The following BRWD1 variants were observed in gnomAD, a reference collection of about 807,000 sequenced individuals.
The protein encoded by BRWD1 is bromodomain and WD repeat-containing protein 1.
BRWD1 carries 82 observed loss-of-function variants against 251.2 expected under a neutral mutation model. The ratio of observed to expected loss-of-function variants is 0.33; its 90% CI spans 0.27 to 0.39. The LOEUF (loss-of-function observed/expected upper bound fraction) is 0.39, where lower values mean the gene tolerates loss of function less well. Among genes scored for constraint, BRWD1 ranks in the 10% least tolerant of loss-of-function variants. The pLI is 1.00. For missense variants in BRWD1, 2,233 were observed against 2,711.6 expected (o/e 0.82, Z 3.92); for synonymous variants, 918 against 902.8 (o/e 1.02, Z -0.30).
chr21:39,308,575 T>A (rs768265076), intron 4 of BRWD1, among the ~76,000 whole-genome samples: 2 of 151,748 alleles, frequency 1.3e-5, no homozygotes, highest in Non-Finnish European at 2.9e-5. Flanking sequence ...TTAAGATAAA[T>A]TGTGGCTTTA....
intron 21 of BRWD1, among the ~76,000 whole-genome samples, chr21:39,244,333 G>A (rs1239744568): frequency 2.0e-5 from 3 of 152,034 alleles, no homozygotes; most frequent in Non-Finnish European, 2.9e-5. Context: ...CAGAGTGCTG[G>A]GATTACAGGC....
At chr21:39,277,580 T>C (rs1405350424) in intron 10 of BRWD1, among the ~76,000 whole-genome samples, 2 of 152,204 alleles carry the variant, frequency 1.3e-5, no homozygotes, top group African/African-American at 2.4e-5. Flanking sequence ...CCTGTTTTTT[T>C]TGAGACAGAA....
In BRWD1 at chr21:39,196,947, G is replaced by A; in HGVS notation, c.6122C>T (p.Pro2041Leu). ...RHTNIHKIDA[P>L]SKRKSSSVTS... ...AACAGAGGAACTTTTTCTTTTAGAA[G>A]GTGCATCTATTTTGTGAATATTGGT... Residue 2041 changes from proline to leucine, a missense_variant, in exon 41 of 41, where the codon CCT (proline) becomes CTT (leucine). Coordinates refer to ENST00000342449, the MANE Select transcript of BRWD1 (RefSeq NM_033656.4). 1.9e-6 allele frequency: 3 copies of A among 1,613,848 alleles called. No homozygotes were observed. Among genetic ancestry groups the A allele is most frequent in the Non-Finnish European group, 2.5e-6 (3 of 1,179,912 alleles).
upstream of BRWD1, among the ~76,000 whole-genome samples, chr21:39,316,528 G>A (rs2036700227): frequency 6.6e-6 from 1 of 152,146 alleles, no homozygotes. Flanking sequence ...TGTAACAAGG[G>A]CGTAAGATTA....
At chr21:39,249,918 GTGTGTGTGTGT>G (rs2034336930) in intron 20 of BRWD1, among the ~76,000 whole-genome samples, 4 of 7,752 alleles carry the variant, frequency 5.2e-4, no homozygotes, top group Non-Finnish European at 1.2e-3. Context: ...GAAGGGGGGT[GTGTGTGTGTGT>G]GTGTGTGTGT....
chr21:39,207,483 C>CACAA (rs1439646306), intron 36 of BRWD1, among the ~76,000 whole-genome samples: 1 of 148,300 alleles, frequency 6.7e-6, no homozygotes, highest in Non-Finnish European at 1.5e-5. Context: ...CACACACACA[C>CACAA]AAACAAAACT....
chr21:39,216,659 G>C, intron 31 of BRWD1: 1 of 386,408 alleles, frequency 2.6e-6, no homozygotes, highest in South Asian at 2.3e-5. Flanking sequence ...ACTCAGAACA[G>C]TTTAAGGAAT....
intron 9 of BRWD1, 85 bp from the exon 10 acceptor site, chr21:39,278,898 T>C: frequency 9.5e-7 from 1 of 1,053,474 alleles, no homozygotes; most frequent in Non-Finnish European, 1.3e-6. Flanking sequence ...TCTAGCATAT[T>C]TAAATATTAT....
rs2031650864 is a variant in BRWD1, at chr21:39,193,341, A to T, written c.*2918T>A. 1 of 984,976 alleles carries T rather than the reference A, an allele frequency of 1.0e-6. No individual in the cohort carries two copies. The highest frequency in any genetic ancestry group is 1.2e-6 in the Non-Finnish European group (1 of 829,554). 61.0% of individuals were successfully genotyped at this position (984,976 alleles called of 1,614,324 possible). ...TACAAAAAGGGAGGCTGACCTTAGG[A>T]ATTATTTGAATATGGGATAAACTTT... On this transcript the variant is annotated 3_prime_UTR_variant, in exon 41 of 41. Transcript: ENST00000342449.
chr21:39,232,918 C>T (rs1019539693), intron 23 of BRWD1, among the ~76,000 whole-genome samples: 4 of 152,224 alleles, frequency 2.6e-5, no homozygotes, highest in Non-Finnish European at 5.9e-5. Flanking sequence ...ACAAATTCCC[C>T]AATAGTTCTC....
At position 39,305,731 on chromosome 21, in the gene BRWD1, C is replaced by T. The variant is rs181638968; in HGVS notation, c.198+7110G>A. Among the ~76,000 whole-genome samples the T allele has an allele frequency of 2.0e-5, 3 of 152,188 alleles. No homozygotes were observed. The East Asian group carries it at 5.8e-4, about 30-fold the overall frequency. On this transcript the variant is annotated intron_variant, in intron 4 of 40. Coordinates refer to ENST00000342449, the MANE Select transcript of BRWD1 (RefSeq NM_033656.4). ...TTCAAGAATTAGCTGGGCATGGTGG[C>T]ATGTGCCTGTAGTCCCAGCTACTCA...
chr21:39,281,943 T>C (rs539446404), intron 8 of BRWD1, among the ~76,000 whole-genome samples: 168 of 151,534 alleles, frequency 1.1e-3, no homozygotes, highest in Non-Finnish European at 1.8e-3. Context: ...TATACATGTG[T>C]ATATATGTAG....
intron 19 of BRWD1, among the ~76,000 whole-genome samples, chr21:39,253,839 T>A (rs1347292803): frequency 6.6e-6 from 1 of 152,222 alleles, no homozygotes; most frequent in Non-Finnish European, 1.5e-5. Context: ...CTAAAAAGTA[T>A]TTCCTGTTTC....
At chr21:39,222,910 A>G (rs935184520) in intron 29 of BRWD1, among the ~76,000 whole-genome samples, 8 of 151,696 alleles carry the variant, frequency 5.3e-5, no homozygotes, top group African/African-American at 1.9e-4. Flanking sequence ...AAATAATTGC[A>G]CTGAGAAAGA....
chr21:39,278,051 G>A (rs1438875902), intron 10 of BRWD1, among the ~76,000 whole-genome samples: 1 of 151,986 alleles, frequency 6.6e-6, no homozygotes, highest in African/African-American at 2.4e-5. Context: ...TTCTCCCTAT[G>A]TTGCCAGGGC....
At position 39,210,085 on chromosome 21, in the gene BRWD1, C is replaced by G. The variant is rs182568595; in HGVS notation, c.4107G>C (p.Ala1369=). Residue 1369 remains alanine (A), a synonymous_variant, in exon 36 of 41, where the codon GCG becomes GCC. Transcript: ENST00000342449. ...DFGTVRETLD[A]GNYDSPLEFC... Reference sequence around the variant, plus strand: ...ACTCCAAAGGGCTGTCATAATTTCCCGCATCTAGAGTTTCCCTTACTGTTC... The same window carrying G: ...ACTCCAAAGGGCTGTCATAATTTCCGGCATCTAGAGTTTCCCTTACTGTTC... The G allele has an allele frequency of 6.2e-7, 1 of 1,613,180 alleles. No homozygotes were observed. Among genetic ancestry groups the G allele is most frequent in the African/African-American group, 1.3e-5 (1 of 74,858 alleles).
intron 36 of BRWD1, 53 bp from the exon 37 acceptor site, chr21:39,206,327 A>G: frequency 7.7e-7 from 1 of 1,303,830 alleles, no homozygotes; most frequent in Non-Finnish European, 1.1e-6. Context: ...AAAAGTACTT[A>G]AGAAATAATT....
chr21:39,291,329 T>C (rs78175438), intron 8 of BRWD1, among the ~76,000 whole-genome samples: 13,015 of 152,208 alleles, frequency 0.086, 750 homozygotes, highest in Non-Finnish European at 0.12. Context: ...TAATGAGAGA[T>C]ACCAATGTAC....
intron 8 of BRWD1, among the ~76,000 whole-genome samples, chr21:39,290,745 A>G (rs1234630940): frequency 6.6e-6 from 1 of 152,230 alleles, no homozygotes; most frequent in Non-Finnish European, 1.5e-5. Flanking sequence ...AAGAATTTGA[A>G]TTAATTTTCA....
Sources: gnomAD v4.1 joint callset for allele counts (sites outside exome capture counted in the v4.1 genomes callset) on GRCh38, gnomAD v4.1.1 for gene constraint, MANE v1.5 for transcripts, NCBI Gene and HGNC (gene_info 2026-07-23, HGNC 2026-07-21) for gene names.